The following FHIT variants were observed in gnomAD, a reference collection of about 807,000 sequenced individuals.
FHIT encodes bis(5'-adenosyl)-triphosphatase.
FHIT carries 19 observed loss-of-function variants against 17.9 expected under a neutral mutation model. That is an observed-to-expected ratio of 1.06 (90% CI 0.74 to 1.56). The LOEUF (loss-of-function observed/expected upper bound fraction) is 1.56. Among genes scored for constraint, FHIT ranks in the 40% most tolerant of loss-of-function variants. The pLI is 0.00. For synonymous variants in FHIT, 81 were observed against 69.7 expected (o/e 1.16, Z -0.81); for missense variants, 248 against 189.2 (o/e 1.31, Z -1.82).
chr3:60,271,429 G>A (rs1160589512), intron 5 of FHIT, among the ~76,000 whole-genome samples: 1 of 151,930 alleles, frequency 6.6e-6, no homozygotes, highest in African/African-American at 2.4e-5. Flanking sequence ...TAAAATAAAC[G>A]CCCATTAGCA....
chr3:59,774,406 C>T (rs1702211145), intron 8 of FHIT, among the ~76,000 whole-genome samples: 2 of 152,212 alleles, frequency 1.3e-5, no homozygotes, highest in Admixed American at 1.3e-4. Flanking sequence ...CTTAAAATCA[C>T]GTCTCTACCA....
At chr3:60,170,803 C>T (rs1701386642) in intron 5 of FHIT, among the ~76,000 whole-genome samples, 1 of 152,056 alleles carries the variant, frequency 6.6e-6, no homozygotes, top group Non-Finnish European at 1.5e-5. Context: ...TATTTATGAA[C>T]AGGTAATCTA....
intron 3 of FHIT, among the ~76,000 whole-genome samples, chr3:60,917,978 G>A (rs1707092314): frequency 2.0e-5 from 3 of 152,184 alleles, no homozygotes; most frequent in African/African-American, 7.2e-5. Context: ...ATCTCATCTT[G>A]AATTGTAACT....
Position 59,913,315 on chromosome 3 carries a change from C to T in FHIT, c.348+9031G>A, listed in dbSNP as rs78367964. Among the ~76,000 whole-genome samples, 187 of 152,228 alleles carry T rather than the reference C, an allele frequency of 1.2e-3. 1 individual carries two copies. The East Asian group carries it at 0.034, about 28-fold the overall frequency. On this transcript the variant is annotated intron_variant, in intron 8 of 9. Transcript: ENST00000492590. ...TAAGAAAATCGCTTTTCTCCCTATA[C>T]ATGGGTTTTCCATAAAATTGAAGGA... is the stretch of plus-strand genomic sequence containing the variant.
intron 5 of FHIT, among the ~76,000 whole-genome samples, chr3:60,278,127 T>C (rs777685770): frequency 3.3e-5 from 5 of 152,164 alleles, no homozygotes; most frequent in Non-Finnish European, 5.9e-5. Context: ...GGAGGCTCAG[T>C]GCAGACTAGC....
At chr3:60,428,593 A>G (rs558095039) in intron 5 of FHIT, among the ~76,000 whole-genome samples, 2 of 152,280 alleles carry the variant, frequency 1.3e-5, no homozygotes, top group East Asian at 3.9e-4. Context: ...AAACATTGAT[A>G]AAGAAACTGA....
At chr3:60,129,042 C>CCTTTTTTTTTTTTTTT (rs1553692314) in intron 5 of FHIT, among the ~76,000 whole-genome samples, 1 of 113,012 alleles carries the variant, frequency 8.8e-6, no homozygotes, top group African/African-American at 3.4e-5. Flanking sequence ...TTCTTCTTTC[C>CCTTTTTTTTTTTTTTT]TTTTTTGTTT....
intron 3 of FHIT, among the ~76,000 whole-genome samples, chr3:61,035,381 C>T (rs1480738474): frequency 6.6e-6 from 1 of 152,148 alleles, no homozygotes; most frequent in South Asian, 2.1e-4. Flanking sequence ...TTTTACATTA[C>T]TTAACTATTT....
intron 4 of FHIT, 59 bp from the exon 5 acceptor site, chr3:60,537,038 C>T (rs1267290538): frequency 1.4e-6 from 2 of 1,431,392 alleles, no homozygotes; most frequent in Non-Finnish European, 1.9e-6. Flanking sequence ...GTTCATATAC[C>T]ACCTTAAAGA....
intron 3 of FHIT, among the ~76,000 whole-genome samples, chr3:61,014,620 A>C (rs1043548399): frequency 5.3e-5 from 8 of 151,124 alleles, no homozygotes; most frequent in African/African-American, 1.7e-4. Context: ...TCTACTAAAA[A>C]TACAAAAAAA....
At chr3:60,592,153 G>T (rs1243653729) in intron 4 of FHIT, among the ~76,000 whole-genome samples, 1 of 147,246 alleles carries the variant, frequency 6.8e-6, no homozygotes, top group Non-Finnish European at 1.5e-5. Flanking sequence ...ATCAAAATTA[G>T]GTAGAATATA....
At chr3:59,860,752 C>G (rs1454732730) in intron 8 of FHIT, among the ~76,000 whole-genome samples, 1 of 151,924 alleles carries the variant, frequency 6.6e-6, no homozygotes, top group Non-Finnish European at 1.5e-5. Flanking sequence ...AAAGGAGCCA[C>G]CAGAGAGTGT....
intron 5 of FHIT, among the ~76,000 whole-genome samples, chr3:60,460,452 A>G (rs1216220459): frequency 6.6e-6 from 1 of 152,132 alleles, no homozygotes; most frequent in Non-Finnish European, 1.5e-5. Flanking sequence ...TCAAGAACCA[A>G]TATTACTTCT....
chr3:59,984,503 A>C (rs1379036326), intron 7 of FHIT, among the ~76,000 whole-genome samples: 1 of 152,058 alleles, frequency 6.6e-6, no homozygotes, highest in Non-Finnish European at 1.5e-5. Flanking sequence ...TATTGGCTAA[A>C]CATTGTTCCT....
intron 8 of FHIT, among the ~76,000 whole-genome samples, chr3:59,841,530 C>T (rs190176260): frequency 2.6e-5 from 4 of 152,262 alleles, no homozygotes; most frequent in Non-Finnish European, 5.9e-5. Context: ...CCCAGGGCTC[C>T]CCACTGGCTT....
chr3:60,244,814 C>T (rs563779139), intron 5 of FHIT, among the ~76,000 whole-genome samples: 36 of 152,112 alleles, frequency 2.4e-4, no homozygotes, highest in Admixed American at 2.0e-3. Flanking sequence ...ATTTGATCAG[C>T]GTGGCTTTTA....
intron 5 of FHIT, among the ~76,000 whole-genome samples, chr3:60,461,729 A>G (rs2032482099): frequency 6.6e-6 from 1 of 152,184 alleles, no homozygotes; most frequent in African/African-American, 2.4e-5. Context: ...TAGCCTTAGA[A>G]AGCAGACCAT....
At chr3:60,742,096 G>A (rs374124636) in intron 4 of FHIT, among the ~76,000 whole-genome samples, 50 of 152,282 alleles carry the variant, frequency 3.3e-4, no homozygotes, top group African/African-American at 1.1e-3. Context: ...CTCTGAGCTT[G>A]TTTCCTCATC....
At chr3:61,174,110 T>G (rs954678042) in intron 2 of FHIT, among the ~76,000 whole-genome samples, 1 of 152,204 alleles carries the variant, frequency 6.6e-6, no homozygotes, top group Non-Finnish European at 1.5e-5. Flanking sequence ...TAATGGAAAC[T>G]GCAGGTGTTA....
Sources: allele counts gnomAD v4.1 joint callset (sites outside exome capture counted in the v4.1 genomes callset), GRCh38; gene constraint gnomAD v4.1.1; transcripts MANE v1.5; gene names NCBI Gene and HGNC (gene_info 2026-07-23, HGNC 2026-07-21).